The following AGTR1 variants were observed in gnomAD, a reference collection of about 807,000 sequenced individuals.
AGTR1 encodes the protein angiotensin II receptor type 1.
A neutral mutation model predicts 19.4 loss-of-function variants in AGTR1; 16 were observed. The observed-to-expected ratio is 0.82, with a 90% confidence interval of 0.56 to 1.25. AGTR1 has a LOEUF of 1.25. Ranked by LOEUF, AGTR1 falls within the 50% of genes most tolerant of loss-of-function variation. The pLI, the probability that AGTR1 is intolerant of heterozygous loss-of-function variation, is 0.00. For missense variants in AGTR1, 373 were observed against 431.9 expected, an observed-to-expected ratio of 0.86 and a Z score of 1.21; for synonymous variants, 153 against 154.9, an observed-to-expected ratio of 0.99 and a Z score of 0.09.
At position 148,730,590 on chromosome 3, in the gene AGTR1, T is replaced by C. The variant is rs1161055183; in HGVS notation, c.-47-10399T>C. On this transcript the variant is annotated intron_variant, in intron 2 of 2. Coordinates refer to ENST00000349243, the MANE Select transcript of AGTR1 (RefSeq NM_000685.5). ...TAGCTGAGGGTACTTTTGTTGTTTG[T>C]TGGATTGGTTTTGCCTGTTCATCAG... 22 of 168,860 alleles carry C rather than the reference T, an allele frequency of 1.3e-4. No individual in the cohort carries two copies. In the Admixed American group the frequency reaches 1.4e-3, roughly 11 times the overall value. 10.5% of individuals were successfully genotyped at this position (168,860 alleles called of 1,614,324 possible).
intron 2 of AGTR1, among the ~76,000 whole-genome samples, chr3:148,720,088 T>C (rs1713544967): frequency 6.6e-6 from 1 of 152,218 alleles, no homozygotes; most frequent in South Asian, 2.1e-4. Context: ...AAGTTCATGG[T>C]AGTTGTGAGC....
At chr3:148,728,454 G>A (rs1714078494) in intron 2 of AGTR1, among the ~76,000 whole-genome samples, 1 of 152,198 alleles carries the variant, frequency 6.6e-6, no homozygotes, top group Admixed American at 6.5e-5. Context: ...GTCATTTTGT[G>A]CTAAAGTTAT....
At chr3:148,699,186 G>T (rs1712174301) in intron 1 of AGTR1, among the ~76,000 whole-genome samples, 1 of 152,136 alleles carries the variant, frequency 6.6e-6, no homozygotes, top group Non-Finnish European at 1.5e-5. Flanking sequence ...AGAAGAGAAA[G>T]TAATAGAGGC....
In AGTR1 at chr3:148,741,504, G is replaced by A. The variant is rs1332504059; in HGVS notation, c.469G>A (p.Gly157Ser). ...CTGCATCATCATTTGGCTGCTGGCAGGCTTGGCCAGTTTGCCAGCTATAAT... is the reference window on the plus strand; with the variant it reads ...CTGCATCATCATTTGGCTGCTGGCAAGCTTGGCCAGTTTGCCAGCTATAAT... ...VTCIIIWLLA[G>S]LASLPAIIHR... The change falls in exon 3 of 3, where the codon GGC becomes AGC. Residue 157 changes from glycine to serine, a missense_variant. Physicochemically the swap from Gly to Ser is moderately conservative, Grantham distance 56. Coordinates refer to ENST00000349243, the MANE Select transcript of AGTR1 (RefSeq NM_000685.5). 1 of 1,613,966 alleles carries A rather than the reference G, an allele frequency of 6.2e-7. No individual in the cohort carries two copies. Among genetic ancestry groups the A allele is most frequent in the Non-Finnish European group, 8.5e-7 (1 of 1,180,026 alleles).
chr3:148,740,072 A>G (rs1044038437), intron 2 of AGTR1: 4 of 992,554 alleles, frequency 4.0e-6, no homozygotes, highest in Non-Finnish European at 3.9e-6. Flanking sequence ...TTGACTGTTG[A>G]TTATGTAGAA....
chr3:148,732,834 G>A (rs904892515), intron 2 of AGTR1, among the ~76,000 whole-genome samples: 24 of 138,566 alleles, frequency 1.7e-4, no homozygotes, highest in Admixed American at 3.9e-4. Context: ...TCTGCCTCCC[G>A]GGTTCACGCC....
chr3:148,728,155 T>C (rs1330469947), intron 2 of AGTR1, among the ~76,000 whole-genome samples: 1 of 152,100 alleles, frequency 6.6e-6, no homozygotes. Flanking sequence ...ATAATAATAA[T>C]AGAGCCTTGA....
intron 2 of AGTR1, among the ~76,000 whole-genome samples, chr3:148,737,367 C>A (rs1714625310): frequency 6.6e-6 from 1 of 152,140 alleles, no homozygotes; most frequent in Admixed American, 6.5e-5. Flanking sequence ...CTCCTGATCC[C>A]TCTCCCCACC....
intron 2 of AGTR1, among the ~76,000 whole-genome samples, chr3:148,710,747 C>T (rs1712935354): frequency 6.6e-6 from 1 of 151,674 alleles, no homozygotes; most frequent in Non-Finnish European, 1.5e-5. Context: ...GGATATTTGC[C>T]CCTCCAAATC....
chr3:148,741,710 T>G lies in AGTR1; in HGVS notation c.675T>G (p.Ala225=). The change falls in exon 3 of 3, where the codon GCT becomes GCG. Residue 225 remains alanine, a synonymous_variant. Coordinates refer to ENST00000349243, the MANE Select transcript of AGTR1 (RefSeq NM_000685.5). ...TTATTTGGAAGGCCCTAAAGAAGGC[T>G]TATGAAATTCAGAAGAACAAACCAA... ...YTLIWKALKK[A]YEIQKNKPRN... The G allele has an allele frequency of 6.2e-7, 1 of 1,614,072 alleles. No homozygotes were observed. The highest frequency in any genetic ancestry group is 1.1e-5 in the South Asian group (1 of 91,072).
intron 1 of AGTR1, among the ~76,000 whole-genome samples, chr3:148,703,683 A>G (rs1712485909): frequency 6.6e-6 from 1 of 152,190 alleles, no homozygotes; most frequent in Non-Finnish European, 1.5e-5. Context: ...TAAACATAAG[A>G]ATTCTAATTT....
chr3:148,723,914 A>T (rs546719267), intron 2 of AGTR1, among the ~76,000 whole-genome samples: 47 of 152,304 alleles, frequency 3.1e-4, no homozygotes, highest in African/African-American at 1.1e-3. Flanking sequence ...GAGGGTCTGC[A>T]ACATCTTTCT....
chr3:148,713,142 T>C (rs1316469285), intron 2 of AGTR1, among the ~76,000 whole-genome samples: 2 of 152,148 alleles, frequency 1.3e-5, no homozygotes, highest in African/African-American at 4.8e-5. Context: ...CTTAAGATAA[T>C]GTGACAAATA....
chr3:148,715,331 C>T (rs1713234654), intron 2 of AGTR1, among the ~76,000 whole-genome samples: 1 of 152,076 alleles, frequency 6.6e-6, no homozygotes, highest in South Asian at 2.1e-4. Flanking sequence ...AGGTTGAAAA[C>T]AAGAAAATGA....
At chr3:148,720,519 G>C (rs1267114133) in intron 2 of AGTR1, among the ~76,000 whole-genome samples, 4 of 152,128 alleles carry the variant, frequency 2.6e-5, no homozygotes, top group Non-Finnish European at 5.9e-5. Context: ...CTGTAGCATA[G>C]AGGGAGTACA....
At chr3:148,740,504 T>C (rs12695924) in intron 2 of AGTR1, among the ~76,000 whole-genome samples, 11,762 of 152,250 alleles carry the variant, frequency 0.077, 1,561 homozygotes, top group African/African-American at 0.27. Flanking sequence ...TTATAATCTT[T>C]ATACCTAAGT....
chr3:148,700,153 T>C (rs567862025), intron 1 of AGTR1, among the ~76,000 whole-genome samples: 9 of 152,074 alleles, frequency 5.9e-5, no homozygotes, highest in Admixed American at 1.3e-4. Context: ...GGGATCAGAG[T>C]TGTGTGAGTA....
At chr3:148,709,482 A>T (rs1712861735) in intron 2 of AGTR1, among the ~76,000 whole-genome samples, 1 of 152,192 alleles carries the variant, frequency 6.6e-6, no homozygotes, top group Non-Finnish European at 1.5e-5. Context: ...CAAAACATGG[A>T]AGAAAACATT....
intron 2 of AGTR1, among the ~76,000 whole-genome samples, chr3:148,722,571 C>T (rs1030423242): frequency 6.6e-6 from 1 of 152,070 alleles, no homozygotes; most frequent in Non-Finnish European, 1.5e-5. Flanking sequence ...CACTCTGTAG[C>T]CCCTTTCTCA....
Sources: gnomAD v4.1 joint callset for allele counts (sites outside exome capture counted in the v4.1 genomes callset) on GRCh38, gnomAD v4.1.1 for gene constraint, MANE v1.5 for transcripts, NCBI Gene and HGNC (gene_info 2026-07-23, HGNC 2026-07-21) for gene names.